Variants in ALDH4A1 observed in about 807,000 individuals in gnomAD.
ALDH4A1 encodes the protein aldehyde dehydrogenase 4 family member A1.
Under a neutral mutation model 70.5 loss-of-function variants are expected in ALDH4A1, and 46 were observed. The observed-to-expected ratio is 0.65, with a 90% CI of 0.51 to 0.83. The LOEUF (loss-of-function observed/expected upper bound fraction) is 0.83. ALDH4A1 is among the 40% of genes least tolerant of loss of function. The pLI, the probability that ALDH4A1 is intolerant of heterozygous loss-of-function variation, is 0.00. For synonymous variants in ALDH4A1, 323 were observed against 324.3 expected (o/e 1.00, Z 0.04); for missense variants, 749 against 766.5 (o/e 0.98, Z 0.27).
In ALDH4A1 at chr1:18,898,182, G is replaced by C. The variant is rs550193149; in HGVS notation, c.62+4280C>G. Among the ~76,000 whole-genome samples, 1 of 152,124 alleles carries C rather than the reference G, an allele frequency of 6.6e-6. No homozygotes were observed. Among genetic ancestry groups the C allele is most frequent in the South Asian group, 2.1e-4 (1 of 4,818 alleles). The stretch of plus-strand genomic sequence containing the variant: ...AAAAAAAAATACAAAAATTAGCTGG[G>C]TATGGTGATGTGCGCCTGTAGTTCC... On this transcript the variant is annotated intron_variant, in intron 1 of 14. Coordinates refer to ENST00000375341, the MANE Select transcript of ALDH4A1 (RefSeq NM_003748.4). The surrounding 1 kb of genome is among the most constrained non-coding windows in gnomAD (Gnocchi z 4.3).
At chr1:18,890,947 G>A in intron 1 of ALDH4A1, 1 of 970,832 alleles carries the variant, frequency 1.0e-6, no homozygotes, top group Non-Finnish European at 1.2e-6. Flanking sequence ...CCATGAACTT[G>A]GAGAGCTGCC....
At chr1:18,895,813 G>A (rs941500041) in intron 1 of ALDH4A1, among the ~76,000 whole-genome samples, 1 of 152,186 alleles carries the variant, frequency 6.6e-6, no homozygotes, top group Non-Finnish European at 1.5e-5. Flanking sequence ...CTGGACTCAC[G>A]CCATGCCAGC....
At position 18,875,320 on chromosome 1, in the gene ALDH4A1, G is replaced by A. The variant is rs1934627014; in HGVS notation, c.1460+62C>T. ...TACTGGGAACCACGTCCAGGAGGTGGGGATGGGGACACGGACAGGACACCC... is the reference window on the plus strand; with the variant it reads ...TACTGGGAACCACGTCCAGGAGGTGAGGATGGGGACACGGACAGGACACCC... On this transcript the variant is annotated intron_variant, in intron 13 of 14. Transcript: ENST00000375341. 5.6e-6 allele frequency: 9 copies of A among 1,612,356 alleles called. No homozygotes were observed. In the South Asian group the frequency reaches 9.9e-5, roughly 18 times the overall value.
intron 11 of ALDH4A1, 122 bp downstream of exon 11, chr1:18,877,086 C>T: frequency 7.8e-7 from 1 of 1,275,438 alleles, no homozygotes; most frequent in Non-Finnish European, 1.1e-6. Context: ...TGCTGAGCTG[C>T]CTTGATCAAA....
intron 8 of ALDH4A1, 140 bp from the exon 9 acceptor site, chr1:18,879,513 C>A: frequency 1.3e-6 from 1 of 750,550 alleles, no homozygotes; most frequent in South Asian, 1.5e-5. Context: ...GAACAGGCTG[C>A]ATTCCAAGAC....
rs1569743143 is a variant in ALDH4A1 at position 18,880,509 on chromosome 1, A to C, written c.867-1136T>G. On this transcript the variant is annotated intron_variant, in intron 8 of 14. Transcript: ENST00000375341. This position sits in a 1 kb window ranked among gnomAD's most constrained non-coding sequence, Gnocchi z 5.1. ...CTCTCCCCTGGTTCAAGCCCCTACC[A>C]CCCCTCCCTGGAGGTCAACAGTCCC... Among the ~76,000 whole-genome samples the C allele has an allele frequency of 1.3e-5, 2 of 148,264 alleles. No individual in the cohort carries two copies. Among genetic ancestry groups the C allele is most frequent in the African/African-American group, 5.0e-5 (2 of 39,938 alleles).
At position 18,902,541 on chromosome 1, in the gene ALDH4A1, G is replaced by A. The variant is rs1045679905; in HGVS notation, c.-18C>T. ...AGCAGCATCTCGGGTTAGAAGCGGG[G>A]CTGTTCGCTGGATCGTCCGCCCGGG... On this transcript the variant is annotated 5_prime_UTR_variant, in exon 1 of 15. Transcript: ENST00000375341. 1.1e-5 allele frequency: 17 copies of A among 1,484,164 alleles called. No individual in the cohort carries two copies. The highest frequency in any genetic ancestry group is 1.2e-5 in the Non-Finnish European group (13 of 1,117,496). 91.9% of individuals were successfully genotyped at this position (1,484,164 alleles called of 1,614,324 possible). A position where few individuals can be genotyped will look rare whatever the true frequency, so the allele number is the denominator to read the frequency against.
At chr1:18,891,014 C>A in intron 1 of ALDH4A1, 1 of 375,224 alleles carries the variant, frequency 2.7e-6, no homozygotes, top group Non-Finnish European at 3.7e-6. Flanking sequence ...TGCCTGATTC[C>A]AGGACACTGA....
At chr1:18,881,500 A>G (rs1472309446) in intron 8 of ALDH4A1, among the ~76,000 whole-genome samples, 200 bp downstream of exon 8, 1 of 152,148 alleles carries the variant, frequency 6.6e-6, no homozygotes, top group African/African-American at 2.4e-5. Flanking sequence ...GACTCTGCAA[A>G]TTAAGGATAA....
At chr1:18,876,908 G>A (rs1440878010) in intron 11 of ALDH4A1, among the ~76,000 whole-genome samples, 1 of 152,148 alleles carries the variant, frequency 6.6e-6, no homozygotes, top group Non-Finnish European at 1.5e-5. Context: ...CCTACATGTG[G>A]AGCCACACGG....
rs373448101 is a variant in ALDH4A1, at chr1:18,876,495, T to C, written c.1186-28A>G. 1.9e-6 allele frequency: 3 copies of C among 1,558,734 alleles called. No individual in the cohort carries two copies. In the African/African-American group the frequency reaches 4.1e-5, roughly 21 times the overall value. ...GGGGTGGGCAGGGAGGAGGGAGGTCTAAGAGGCTGGGAAGGCATCCCTGCG... is the reference window on the plus strand; with the variant it reads ...GGGGTGGGCAGGGAGGAGGGAGGTCCAAGAGGCTGGGAAGGCATCCCTGCG... On this transcript the variant is annotated intron_variant, in intron 11 of 14. Coordinates refer to ENST00000375341, the MANE Select transcript of ALDH4A1 (RefSeq NM_003748.4).
At chr1:18,888,335 A>T (rs569713701) in intron 3 of ALDH4A1, among the ~76,000 whole-genome samples, 9 of 152,280 alleles carry the variant, frequency 5.9e-5, no homozygotes, top group African/African-American at 2.2e-4. Context: ...GCCCCAGTGG[A>T]CTGCAGAACC....
In ALDH4A1 at chr1:18,877,488, G is replaced by GTAGAGAC. The variant is rs757748374; in HGVS notation, c.1058_1064dup (p.Tyr355Ter). On this transcript the variant is annotated stop_gained and frameshift_variant, in exon 10 of 15. Transcript: ENST00000375341. LOFTEE classifies it high-confidence loss of function. ...TCTGCGGCCACAGCGAGTGCGGCAC[G>GTAGAGAC]TAGAGACGCGAGCACGCGGAACACT... The GTAGAGAC allele has an allele frequency of 6.2e-7, 1 of 1,603,120 alleles. No individual in the cohort carries two copies. Among genetic ancestry groups the GTAGAGAC allele is most frequent in the East Asian group, 2.2e-5 (1 of 44,530 alleles).
In ALDH4A1 at chr1:18,876,637, C is replaced by A. The variant is rs6664619; in HGVS notation, c.1186-170G>T. 0.39 allele frequency among the ~76,000 whole-genome samples: 50,610 copies of A among 128,682 alleles called. 8,755 individuals are homozygous for A. Among genetic ancestry groups the A allele is most frequent in the African/African-American group, 0.49 (17,785 of 36,360 alleles). The allele number at this position is 128,682 out of a possible 152,430, so 84.4% of individuals were successfully genotyped here. ...AAGCCAGGGTCTGGCTGAGCCACAG[C>A]AGAGACAAGGACAGACATGAACACT... On this transcript the variant is annotated intron_variant, in intron 11 of 14. Transcript: ENST00000375341.
Position 18,880,874 on chromosome 1 carries a change from G to A in ALDH4A1, c.866+826C>T, listed in dbSNP as rs1934940470. On this transcript the variant is annotated intron_variant, in intron 8 of 14. Coordinates refer to ENST00000375341, the MANE Select transcript of ALDH4A1 (RefSeq NM_003748.4). The surrounding 1 kb of genome is among the most constrained non-coding windows in gnomAD (Gnocchi z 5.1). ...CAATCTCTGCCTGACACAGAACTCT[G>A]ACTCAGCCACTCTCCCTGCTTGAAG... 6.6e-6 allele frequency among the ~76,000 whole-genome samples: 1 copy of A among 152,138 alleles called. No homozygotes were observed. Among genetic ancestry groups the A allele is most frequent in the Non-Finnish European group, 1.5e-5 (1 of 68,026 alleles).
Position 18,876,319 on chromosome 1 carries a change from T to C in ALDH4A1, c.1334A>G (p.Lys445Arg), listed in dbSNP as rs1934677993. ...CAGGCTGCCCACCCCAGTCACCTCC[T>C]TCATGATGGGCTCCTGAGGGTCCTT... is the stretch of plus-strand genomic sequence containing the variant. ...ESKDPQEPIM[K>R]EEIFGPVLSV... The change falls in exon 12 of 15, where the codon AAG becomes AGG. Residue 445 changes from lysine (K) to arginine (R), a missense_variant. Transcript: ENST00000375341. 1.9e-6 allele frequency: 3 copies of C among 1,613,796 alleles called. No individual in the cohort carries two copies. Among genetic ancestry groups the C allele is most frequent in the Middle Eastern group, 1.7e-4 (1 of 6,060 alleles).
chr1:18,895,355 G>A (rs949103715), intron 1 of ALDH4A1, among the ~76,000 whole-genome samples: 4 of 152,166 alleles, frequency 2.6e-5, no homozygotes, highest in African/African-American at 7.2e-5. Flanking sequence ...TCTAATCTAC[G>A]AAGGCCATGC....
At chr1:18,879,517 C>G in intron 8 of ALDH4A1, 144 bp from the exon 9 acceptor site, 1 of 746,126 alleles carries the variant, frequency 1.3e-6, no homozygotes, top group Non-Finnish European at 2.4e-6. Flanking sequence ...AGGCTGCATT[C>G]CAAGACTACG....
intron 1 of ALDH4A1, among the ~76,000 whole-genome samples, chr1:18,895,935 G>A (rs1935602007): frequency 6.6e-6 from 1 of 152,118 alleles, no homozygotes; most frequent in African/African-American, 2.4e-5. Flanking sequence ...CTACTCAGTG[G>A]CTTCTCATTT....
Sources: allele counts gnomAD v4.1 joint callset (sites outside exome capture counted in the v4.1 genomes callset), GRCh38; gene constraint gnomAD v4.1.1; non-coding constraint Gnocchi (gnomAD v3.1); transcripts MANE v1.5; gene names NCBI Gene and HGNC (gene_info 2026-07-23, HGNC 2026-07-21).